LSAMP: variants seen among roughly 807,000 people sequenced by gnomAD.
The protein encoded by LSAMP is limbic system-associated membrane protein.
In LSAMP, 7 loss-of-function variants were observed where a neutral mutation model predicts 38.6. That is an observed-to-expected ratio of 0.18 (90% CI 0.10 to 0.34). The LOEUF (loss-of-function observed/expected upper bound fraction) is 0.34. Ranked by LOEUF, LSAMP falls within the 10% of genes least tolerant of loss-of-function variation. LSAMP has a pLI of 1.00. For missense variants in LSAMP, 313 were observed against 420.0 expected (o/e 0.75, Z 2.23); for synonymous variants, 154 against 166.8 (o/e 0.92, Z 0.59).
intron 1 of LSAMP, among the ~76,000 whole-genome samples, chr3:116,110,287 T>C (rs1263844132): frequency 7.4e-6 from 1 of 134,360 alleles, no homozygotes; most frequent in South Asian, 2.4e-4. Flanking sequence ...AGAGAAGGGG[T>C]AGAGACAAGG....
At chr3:115,847,892 A>G (rs2107515312) in intron 4 of LSAMP, among the ~76,000 whole-genome samples, 1 of 152,310 alleles carries the variant, frequency 6.6e-6, no homozygotes, top group East Asian at 1.9e-4. Flanking sequence ...TGGTGTGATG[A>G]TTACAGTGAA....
intron 1 of LSAMP, among the ~76,000 whole-genome samples, chr3:116,245,442 G>C (rs1199905489): frequency 6.6e-6 from 1 of 152,128 alleles, no homozygotes; most frequent in Non-Finnish European, 1.5e-5. Flanking sequence ...ATTGCCCAAG[G>C]AGTGAAATTC....
chr3:116,153,193 C>T (rs755372635), intron 1 of LSAMP, among the ~76,000 whole-genome samples: 9 of 152,148 alleles, frequency 5.9e-5, no homozygotes, highest in Non-Finnish European at 5.9e-5. Context: ...AAAATTTCTT[C>T]GAGTTTGATT....
intron 2 of LSAMP, among the ~76,000 whole-genome samples, chr3:116,023,694 A>AT (rs1336947161): frequency 1.3e-5 from 2 of 151,274 alleles, no homozygotes; most frequent in East Asian, 3.9e-4. Flanking sequence ...ACAATCAGAT[A>AT]TTTTTTTCCT....
chr3:116,348,514 G>T (rs1244715152), intron 1 of LSAMP, among the ~76,000 whole-genome samples: 1 of 152,092 alleles, frequency 6.6e-6, no homozygotes, highest in Admixed American at 6.6e-5. Context: ...TCATTGCTAG[G>T]AATAGGCATT....
chr3:116,382,449 A>G (rs1251263948), intron 1 of LSAMP, among the ~76,000 whole-genome samples: 1 of 149,974 alleles, frequency 6.7e-6, no homozygotes, highest in Non-Finnish European at 1.5e-5. Context: ...GTGGGAATTG[A>G]ACAATGAGAA....
intron 1 of LSAMP, among the ~76,000 whole-genome samples, chr3:116,151,354 G>C (rs751546293): frequency 4.0e-5 from 6 of 151,888 alleles, no homozygotes; most frequent in African/African-American, 1.4e-4. Flanking sequence ...CATGTGAGCC[G>C]AACTTTTAAG....
intron 3 of LSAMP, among the ~76,000 whole-genome samples, chr3:115,899,267 C>T (rs1004788526): frequency 9.2e-5 from 14 of 151,986 alleles, no homozygotes; most frequent in African/African-American, 3.1e-4. Context: ...AAGCATGTGT[C>T]TCTGTGGCAG....
chr3:116,406,625 G>C (rs1486183576), intron 1 of LSAMP, among the ~76,000 whole-genome samples: 2 of 152,090 alleles, frequency 1.3e-5, no homozygotes, highest in Admixed American at 1.3e-4. Flanking sequence ...GAATTGAGTA[G>C]AAAATGATTG....
intron 3 of LSAMP, among the ~76,000 whole-genome samples, chr3:115,886,876 T>G (rs1349549874): frequency 6.6e-6 from 1 of 152,004 alleles, no homozygotes; most frequent in Non-Finnish European, 1.5e-5. Flanking sequence ...CTACTTCTTT[T>G]TGTTCAAATG....
At chr3:116,159,710 G>C (rs182023988) in intron 1 of LSAMP, among the ~76,000 whole-genome samples, 1 of 151,988 alleles carries the variant, frequency 6.6e-6, no homozygotes, top group East Asian at 1.9e-4. Flanking sequence ...AAATAACTTA[G>C]ATCTACCATT....
chr3:116,273,683 C>CAGATATATATAT (rs150705226), intron 1 of LSAMP, among the ~76,000 whole-genome samples: 1,257 of 50,286 alleles, frequency 0.025, 29 homozygotes, highest in Middle Eastern at 0.035. Context: ...GAGAAAGAGG[C>CAGATATATATAT]ATATATATAT....
At chr3:116,302,884 G>GGAA (rs1231767113) in intron 1 of LSAMP, among the ~76,000 whole-genome samples, 1 of 152,126 alleles carries the variant, frequency 6.6e-6, no homozygotes, top group Non-Finnish European at 1.5e-5. Context: ...ATACAAAATA[G>GGAA]GAAGGACTAG....
chr3:115,928,973 G>GTTTTTTTTGTTTT (rs1937533498), intron 3 of LSAMP, among the ~76,000 whole-genome samples: 1 of 109,928 alleles, frequency 9.1e-6, no homozygotes, highest in South Asian at 3.2e-4. Context: ...TTTTTTGTTT[G>GTTTTTTTTGTTTT]TTTTTTTTTT....
At position 115,980,320 on chromosome 3, in the gene LSAMP, G is replaced by A. The variant is rs534597373; in HGVS notation, c.514+39195C>T. ...TTTTTTGTTAAATTTAGCTGTTGAT[G>A]TCTTCTCTTTATAATTTTGAAATTT... On this transcript the variant is annotated intron_variant, in intron 3 of 6. Transcript: ENST00000490035. 3.8e-3 allele frequency among the ~76,000 whole-genome samples: 579 copies of A among 152,100 alleles called. 3 individuals are homozygous for A. Among genetic ancestry groups the A allele is most frequent in the African/African-American group, 0.013 (545 of 41,526 alleles).
chr3:115,832,907 T>C (rs1460143199), intron 6 of LSAMP, among the ~76,000 whole-genome samples: 3 of 152,164 alleles, frequency 2.0e-5, no homozygotes, highest in Non-Finnish European at 4.4e-5. Flanking sequence ...GTCCAGACTG[T>C]TTTTCAGTAT....
intron 2 of LSAMP, among the ~76,000 whole-genome samples, chr3:116,060,624 G>A (rs1158468524): frequency 6.6e-6 from 1 of 152,160 alleles, no homozygotes; most frequent in Non-Finnish European, 1.5e-5. Context: ...GCCGGACATG[G>A]TGGCACATGC....
In LSAMP at chr3:116,097,069, C is replaced by T. The variant is rs547543570; in HGVS notation, c.156-10513G>A. ...ACTGCCTTTGGTTGTACCTTTGAAA[C>T]AGTAAAATTAGTCTTGGAATTCTGG... On this transcript the variant is annotated intron_variant, in intron 1 of 6. Coordinates refer to ENST00000490035, the MANE Select transcript of LSAMP (RefSeq NM_002338.5). Among the ~76,000 whole-genome samples the T allele has an allele frequency of 3.3e-5, 5 of 152,280 alleles. No homozygotes were observed. In the East Asian group the frequency reaches 7.7e-4, roughly 23 times the overall value.
At chr3:115,931,674 T>C (rs528715203) in intron 3 of LSAMP, among the ~76,000 whole-genome samples, 8 of 152,332 alleles carry the variant, frequency 5.3e-5, no homozygotes, top group Admixed American at 3.9e-4. Flanking sequence ...ATGGAATATC[T>C]AATATGTATA....
Sources: allele counts gnomAD v4.1 joint callset (sites outside exome capture counted in the v4.1 genomes callset), GRCh38; gene constraint gnomAD v4.1.1; transcripts MANE v1.5; gene names NCBI Gene and HGNC (gene_info 2026-07-23, HGNC 2026-07-21).